Variants in SESTD1 observed in about 807,000 individuals in gnomAD.
SESTD1 encodes SEC14 and spectrin domain containing 1, also known as SEC14 domain and spectrin repeat-containing protein 1.
SESTD1 carries 43 observed loss-of-function variants against 101.7 expected under a neutral mutation model. The ratio of observed to expected loss-of-function variants is 0.42; its 90% CI spans 0.33 to 0.55. SESTD1 has a LOEUF of 0.55. SESTD1 is among the 20% of genes least tolerant of loss of function. The probability of loss-of-function intolerance (pLI) is 0.07; values close to 1 mark genes in which losing one functional copy is unlikely to be tolerated. For missense variants in SESTD1, 647 were observed against 815.1 expected, an observed-to-expected ratio of 0.79 and a Z score of 2.51; for synonymous variants, 283 against 286.8, an observed-to-expected ratio of 0.99 and a Z score of 0.13.
chr2:179,240,644 A>G (rs971743500), intron 1 of SESTD1, among the ~76,000 whole-genome samples: 3 of 152,180 alleles, frequency 2.0e-5, no homozygotes, highest in Admixed American at 2.0e-4. Context: ...TTTAGACAAA[A>G]AAAGTGCTAC....
intron 9 of SESTD1, among the ~76,000 whole-genome samples, chr2:179,141,653 T>C (rs2045278175): frequency 6.6e-6 from 1 of 152,138 alleles, no homozygotes; most frequent in South Asian, 2.1e-4. Context: ...GCGGTTACTG[T>C]TGTTATCCTT....
At chr2:179,217,089 T>G (rs979460606) in intron 1 of SESTD1, among the ~76,000 whole-genome samples, 3 of 152,076 alleles carry the variant, frequency 2.0e-5, no homozygotes, top group Admixed American at 2.0e-4. Context: ...ACTTCATGAC[T>G]AAAACACCAA....
intron 5 of SESTD1, among the ~76,000 whole-genome samples, chr2:179,171,671 A>C (rs1307385603): frequency 6.6e-6 from 1 of 152,174 alleles, no homozygotes; most frequent in African/African-American, 2.4e-5. Flanking sequence ...GGAAAGTAAA[A>C]GAGAGAAATA....
In SESTD1 at chr2:179,102,828, A is replaced by G. The variant is rs547356316; in HGVS notation, c.*7071T>C. 1 of 152,168 alleles carries G rather than the reference A, an allele frequency of 6.6e-6. No homozygotes were observed. The highest frequency in any genetic ancestry group is 2.1e-4 in the South Asian group (1 of 4,814). 9.4% of individuals were successfully genotyped at this position (152,168 alleles called of 1,614,324 possible). A position where few individuals can be genotyped will look rare whatever the true frequency, so the allele number is the denominator to read the frequency against. ...ATATTGAAAATATTTTTAAACGCTA[A>G]AATGTCCCGTAAAAGCATAGCTATC... On this transcript the variant is annotated 3_prime_UTR_variant, in exon 18 of 18. Coordinates refer to ENST00000428443, the MANE Select transcript of SESTD1 (RefSeq NM_178123.5).
intron 1 of SESTD1, among the ~76,000 whole-genome samples, chr2:179,258,236 A>T (rs979982888): frequency 6.6e-6 from 1 of 152,210 alleles, no homozygotes; most frequent in African/African-American, 2.4e-5. Flanking sequence ...TATCTAACCT[A>T]AACTCAGTAA....
chr2:179,141,606 C>G (rs1368735188), intron 9 of SESTD1, among the ~76,000 whole-genome samples: 1 of 151,224 alleles, frequency 6.6e-6, no homozygotes, highest in Non-Finnish European at 1.5e-5. Flanking sequence ...TTCTTTAATT[C>G]TTGTAACAGT....
Position 179,183,146 on chromosome 2 carries a change from A to G in SESTD1, c.98T>C (p.Leu33Ser). The change falls in exon 3 of 18, where the codon TTA becomes TCA. Residue 33 changes from leucine to serine, a missense_variant. Physicochemically the swap from Leu to Ser is moderately radical, Grantham distance 145. Coordinates refer to ENST00000428443, the MANE Select transcript of SESTD1 (RefSeq NM_178123.5). ...ATCCATATTTGTCTGTTCGAGGCAT[A>G]ATGGAATTGTCAAAATGAGGCCACT... Reference protein sequence around the residue: ...RRSGLILTIPLCLEQTNMDEL... With the variant: ...RRSGLILTIPSCLEQTNMDEL... The G allele has an allele frequency of 6.2e-7, 1 of 1,612,084 alleles. No homozygotes were observed. Among genetic ancestry groups the G allele is most frequent in the Non-Finnish European group, 8.5e-7 (1 of 1,178,990 alleles).
At chr2:179,225,270 G>C (rs1174392893) in intron 1 of SESTD1, among the ~76,000 whole-genome samples, 3 of 152,038 alleles carry the variant, frequency 2.0e-5, no homozygotes, top group African/African-American at 7.2e-5. Context: ...AAACAACTTA[G>C]GGTTTTTTTT....
chr2:179,198,066 C>T (rs1020180754), intron 1 of SESTD1, among the ~76,000 whole-genome samples: 8 of 152,208 alleles, frequency 5.3e-5, no homozygotes, highest in Non-Finnish European at 1.0e-4. Context: ...AGGAAACCCA[C>T]CTCACATGCA....
intron 5 of SESTD1, among the ~76,000 whole-genome samples, chr2:179,168,947 C>T (rs1011094926): frequency 5.3e-5 from 8 of 151,820 alleles, no homozygotes; most frequent in African/African-American, 1.7e-4. Flanking sequence ...TTATTAAAGA[C>T]GTATACAGTA....
chr2:179,123,657 G>A (rs2044801446), intron 12 of SESTD1, 58 bp downstream of exon 12: 4 of 1,074,654 alleles, frequency 3.7e-6, no homozygotes, highest in Non-Finnish European at 5.3e-6. Context: ...TCTAACCATG[G>A]TAATGATATT....
intron 1 of SESTD1, among the ~76,000 whole-genome samples, chr2:179,194,843 C>G (rs186582763): frequency 6.6e-6 from 1 of 152,178 alleles, no homozygotes; most frequent in African/African-American, 2.4e-5. Flanking sequence ...TATGAACCCC[C>G]AGAGCCCAGA....
chr2:179,203,442 G>A (rs530762748), intron 1 of SESTD1, among the ~76,000 whole-genome samples: 2 of 132,100 alleles, frequency 1.5e-5, no homozygotes, highest in African/African-American at 6.0e-5. Context: ...AAAAGGGGAG[G>A]GGAACAGTTC....
chr2:179,213,340 T>C (rs185294632), intron 1 of SESTD1, among the ~76,000 whole-genome samples: 2 of 134,608 alleles, frequency 1.5e-5, no homozygotes, highest in African/African-American at 5.9e-5. Flanking sequence ...GCACAAGAAC[T>C]TCAAGACGCA....
intron 13 of SESTD1, 120 bp from the exon 14 acceptor site, chr2:179,117,733 G>T: frequency 1.5e-6 from 1 of 660,092 alleles, no homozygotes; most frequent in Non-Finnish European, 2.4e-6. Context: ...AAACAATGGA[G>T]AATGCAAGTA....
At chr2:179,187,715 A>G (rs2046254800) in intron 2 of SESTD1, among the ~76,000 whole-genome samples, 1 of 152,214 alleles carries the variant, frequency 6.6e-6, no homozygotes, top group Non-Finnish European at 1.5e-5. Flanking sequence ...TGACAGGTTC[A>G]AAGAAAAGGG....
At chr2:179,195,023 A>T (rs556881556) in intron 1 of SESTD1, among the ~76,000 whole-genome samples, 5 of 152,370 alleles carry the variant, frequency 3.3e-5, no homozygotes, top group African/African-American at 9.6e-5. Flanking sequence ...CAGAGAAAGA[A>T]AAATGCAAGG....
At chr2:179,179,395 G>A (rs988970742) in intron 3 of SESTD1, among the ~76,000 whole-genome samples, 6 of 152,120 alleles carry the variant, frequency 3.9e-5, no homozygotes, top group Admixed American at 6.5e-5. Flanking sequence ...CTATGTAAAC[G>A]TGAAACTGTC....
At position 179,109,571 on chromosome 2, in the gene SESTD1, G is replaced by C. The variant is rs965495369; in HGVS notation, c.*328C>G. The C allele has an allele frequency of 1.0e-5, 4 of 397,204 alleles. No individual in the cohort carries two copies. The highest frequency in any genetic ancestry group is 1.3e-5 in the Non-Finnish European group (3 of 225,330). 24.6% of individuals were successfully genotyped at this position (397,204 alleles called of 1,614,324 possible). A position where few individuals can be genotyped will look rare whatever the true frequency, so the allele number is the denominator to read the frequency against. ...CTTTTTTTTTTCTTTTTAATAGAGA[G>C]AATTCCTACTCTTATTAGCACCATT... On this transcript the variant is annotated 3_prime_UTR_variant, in exon 18 of 18. Coordinates refer to ENST00000428443, the MANE Select transcript of SESTD1 (RefSeq NM_178123.5).
Sources: allele counts gnomAD v4.1 joint callset (sites outside exome capture counted in the v4.1 genomes callset), GRCh38; gene constraint gnomAD v4.1.1; transcripts MANE v1.5; gene names NCBI Gene and HGNC (gene_info 2026-07-23, HGNC 2026-07-21).